The following ZNF469 variants were observed in gnomAD, a reference collection of about 807,000 sequenced individuals.
ZNF469 encodes the protein zinc finger protein 469.
A neutral mutation model predicts 1.0 loss-of-function variants in ZNF469; 1 was observed. The ratio of observed to expected loss-of-function variants is 1.00; its 90% CI spans 0.35 to 4.73. The LOEUF is 4.73. ZNF469 is among the 30% of genes most tolerant of loss of function. The probability of loss-of-function intolerance (pLI) is 0.16; values close to 1 mark genes in which losing one functional copy is unlikely to be tolerated. For synonymous variants in ZNF469, 2,703 were observed against 2,363.4 expected (o/e 1.14, Z -4.17); for missense variants, 6,100 against 5,356.3 (o/e 1.14, Z -4.33).
the ZNF469 span, among the ~76,000 whole-genome samples, chr16:88,195,641 G>C: frequency 6.6e-6 from 1 of 152,236 alleles, no homozygotes; most frequent in African/African-American, 2.4e-5. Flanking sequence ...CAGTCCTCGA[G>C]AGGGCATGGG....
chr16:88,345,065 C>T, the ZNF469 span, among the ~76,000 whole-genome samples: 6 of 152,244 alleles, frequency 3.9e-5, no homozygotes, highest in Non-Finnish European at 5.9e-5. Flanking sequence ...CAGTCACCTC[C>T]TCCTCACCCG....
the ZNF469 span, among the ~76,000 whole-genome samples, chr16:88,258,717 G>A: frequency 2.1e-4 from 32 of 152,312 alleles, no homozygotes; most frequent in African/African-American, 7.7e-4. Flanking sequence ...TGATGAACTC[G>A]GATGACATTT....
chr16:88,389,543 C>A (rs1372521259), intron 1 of ZNF469, among the ~76,000 whole-genome samples: 2 of 152,164 alleles, frequency 1.3e-5, no homozygotes, highest in Non-Finnish European at 2.9e-5. Context: ...GTGCTTCGTC[C>A]CGTGGCCACC....
At chr16:88,277,396 G>A in the ZNF469 span, among the ~76,000 whole-genome samples, 68 of 132,918 alleles carry the variant, frequency 5.1e-4, no homozygotes, top group Middle Eastern at 5.3e-3. Flanking sequence ...GCTGACACTC[G>A]GTCAGTACCA....
the ZNF469 span, among the ~76,000 whole-genome samples, chr16:88,152,860 T>G: frequency 0.019 from 2,832 of 152,266 alleles, 79 homozygotes; most frequent in African/African-American, 0.065. The surrounding 1 kb of genome is among the most constrained non-coding windows in gnomAD (Gnocchi z 4.2). Flanking sequence ...TTCCCAGACT[T>G]AAACCATTTG....
At chr16:88,101,405 C>A in the ZNF469 span, among the ~76,000 whole-genome samples, 6 of 152,220 alleles carry the variant, frequency 3.9e-5, no homozygotes, top group African/African-American at 1.2e-4. Context: ...TTAATGATTT[C>A]TATTAGCTGC....
chr16:88,242,695 G>A, the ZNF469 span, among the ~76,000 whole-genome samples: 1 of 152,284 alleles, frequency 6.6e-6, no homozygotes, highest in African/African-American at 2.4e-5. Context: ...CTAGGCAGCA[G>A]CGGGTTGAGG....
chr16:88,195,610 G>C, the ZNF469 span, among the ~76,000 whole-genome samples: 1 of 152,202 alleles, frequency 6.6e-6, no homozygotes, highest in Non-Finnish European at 1.5e-5. Context: ...CATATCGTCA[G>C]ACTCAGCATG....
chr16:88,278,765 G>A, the ZNF469 span, among the ~76,000 whole-genome samples: 63 of 137,000 alleles, frequency 4.6e-4, 9 homozygotes, highest in Non-Finnish European at 6.4e-4. Context: ...GCGCCACGCC[G>A]ACACTTGGTC....
chr16:88,347,450 G>A, the ZNF469 span, among the ~76,000 whole-genome samples: 1 of 152,112 alleles, frequency 6.6e-6, no homozygotes, highest in Non-Finnish European at 1.5e-5. Context: ...ACACCCGGAG[G>A]AGACAGTGTC....
At chr16:88,179,887 G>A in the ZNF469 span, among the ~76,000 whole-genome samples, 131,279 of 152,250 alleles carry the variant, frequency 0.86, 57,098 homozygotes, top group East Asian at 1. Flanking sequence ...GGAAGTACAG[G>A]CCTTGCTGTC....
chr16:88,230,995 T>A, the ZNF469 span, among the ~76,000 whole-genome samples: 6 of 151,580 alleles, frequency 4.0e-5, no homozygotes, highest in East Asian at 5.9e-4. Context: ...CGGCTGGAAC[T>A]CTAAAAGTCC....
At chr16:88,180,947 C>G in the ZNF469 span, among the ~76,000 whole-genome samples, 3 of 152,302 alleles carry the variant, frequency 2.0e-5, no homozygotes, top group East Asian at 5.8e-4. Flanking sequence ...CAATACTCCT[C>G]TCTGTAAGCT....
chr16:88,187,743 G>T, the ZNF469 span, among the ~76,000 whole-genome samples: 3 of 136,830 alleles, frequency 2.2e-5, no homozygotes, highest in African/African-American at 2.8e-5. Context: ...TTACATCTGT[G>T]AAATCAAAAC....
the ZNF469 span, among the ~76,000 whole-genome samples, chr16:88,349,080 G>C: frequency 6.6e-6 from 1 of 152,196 alleles, no homozygotes; most frequent in Non-Finnish European, 1.5e-5. Context: ...CCACAGGCCA[G>C]CATGGCTCTG....
the ZNF469 span, among the ~76,000 whole-genome samples, chr16:88,289,080 G>A: frequency 2.7e-4 from 41 of 152,158 alleles, no homozygotes; most frequent in African/African-American, 8.9e-4. Flanking sequence ...TGATGATGAT[G>A]AGGATGTTGA....
chr16:88,221,725 G>A, the ZNF469 span, among the ~76,000 whole-genome samples: 8 of 152,318 alleles, frequency 5.3e-5, no homozygotes, highest in East Asian at 1.5e-3. Flanking sequence ...CGCTTCCAGC[G>A]GCCAGGAGTC....
chr16:88,251,283 A>G, the ZNF469 span, among the ~76,000 whole-genome samples: 1 of 152,184 alleles, frequency 6.6e-6, no homozygotes, highest in African/African-American at 2.4e-5. Flanking sequence ...ACTGGGAATC[A>G]TTTGTTCTTG....
rs1428096122 is a variant in ZNF469, at chr16:88,431,638, C to T, written c.4168C>T (p.Leu1390=). 6.4e-7 allele frequency: 1 copy of T among 1,550,490 alleles called. No homozygotes were observed. Among genetic ancestry groups the T allele is most frequent in the African/African-American group, 1.4e-5 (1 of 73,176 alleles). The change falls in exon 3 of 3, where the codon CTG becomes TTG. Residue 1390 remains leucine (L), a synonymous_variant. Transcript: ENST00000565624. ...TGAGTTGTTCCTCGGACCCAAAGACCTGGCTGGCTGTTTCCTGGAAGAACT... is the reference window on the plus strand; with the variant it reads ...TGAGTTGTTCCTCGGACCCAAAGACTTGGCTGGCTGTTTCCTGGAAGAACT... ...HSELFLGPKD[L]AGCFLEELHP...
Sources: gnomAD v4.1 joint callset for allele counts (sites outside exome capture counted in the v4.1 genomes callset) on GRCh38, gnomAD v4.1.1 for gene constraint, Gnocchi (gnomAD v3.1) non-coding constraint, MANE v1.5 for transcripts, NCBI Gene and HGNC (gene_info 2026-07-23, HGNC 2026-07-21) for gene names.